The following STRA8 variants were observed in gnomAD, a reference collection of about 807,000 sequenced individuals.
STRA8 encodes stimulated by retinoic acid 8.
STRA8 carries 18 observed loss-of-function variants against 37.1 expected under a neutral mutation model. The ratio of observed to expected loss-of-function variants is 0.48; its 90% CI spans 0.34 to 0.72. The LOEUF is 0.72. STRA8 is among the 30% of genes least tolerant of loss of function. The pLI, the probability that STRA8 is intolerant of heterozygous loss-of-function variation, is 0.01. For missense variants in STRA8, 357 were observed against 410.4 expected, an observed-to-expected ratio of 0.87 and a Z score of 1.13; for synonymous variants, 168 against 162.9, an observed-to-expected ratio of 1.03 and a Z score of -0.24.
intron 7 of STRA8, 61 bp downstream of exon 7, chr7:135,251,930 G>C: frequency 2.6e-6 from 4 of 1,513,410 alleles, no homozygotes; most frequent in Non-Finnish European, 2.8e-6. Context: ...GATTGTGTGT[G>C]CGCAGGTGTG....
intron 1 of STRA8, among the ~76,000 whole-genome samples, chr7:135,238,499 CAGATTCCCTACA>C (rs755055455): frequency 6.6e-5 from 10 of 152,210 alleles, no homozygotes; most frequent in Non-Finnish European, 1.5e-4. Flanking sequence ...GGGAGAACTC[CAGATTCCCTACA>C]AGCCCAGAGG....
chr7:135,243,474 C>T, intron 4 of STRA8, 64 bp downstream of exon 4: 1 of 1,480,486 alleles, frequency 6.8e-7, no homozygotes. Flanking sequence ...TCAGTACTGT[C>T]TGGTGGCAAC....
At chr7:135,238,731 G>A (rs1186840228) in intron 1 of STRA8, among the ~76,000 whole-genome samples, 2 of 152,178 alleles carry the variant, frequency 1.3e-5, no homozygotes, top group Admixed American at 6.5e-5. Context: ...ATATTCTTCT[G>A]TTCAAAAGGT....
At chr7:135,255,319 A>G (rs1310481749) in intron 8 of STRA8, 94 bp downstream of exon 8, 4 of 899,310 alleles carry the variant, frequency 4.4e-6, no homozygotes, top group East Asian at 2.5e-5. Context: ...ACTCACCCCA[A>G]TCATACCATG....
intron 2 of STRA8, among the ~76,000 whole-genome samples, chr7:135,241,185 C>G (rs1832459550): frequency 6.6e-6 from 1 of 152,164 alleles, no homozygotes; most frequent in African/African-American, 2.4e-5. Context: ...TACGAACAAG[C>G]CCAAGATGCT....
At chr7:135,244,926 C>G (rs1832522620) in intron 4 of STRA8, among the ~76,000 whole-genome samples, 1 of 152,194 alleles carries the variant, frequency 6.6e-6, no homozygotes, top group African/African-American at 2.4e-5. Flanking sequence ...TGCCATTAAG[C>G]ACGATGTTAG....
chr7:135,236,670 G>T (rs771849027), intron 1 of STRA8, among the ~76,000 whole-genome samples: 1 of 152,038 alleles, frequency 6.6e-6, no homozygotes, highest in Non-Finnish European at 1.5e-5. Flanking sequence ...ATTTTTGAAG[G>T]CTTCTCAATG....
intron 3 of STRA8, 44 bp from the exon 4 acceptor site, chr7:135,243,282 C>T: frequency 6.2e-7 from 1 of 1,606,048 alleles, no homozygotes; most frequent in Non-Finnish European, 8.5e-7. Context: ...TCAACAGAGG[C>T]CTGACTTTTC....
rs1486533199 is a variant in STRA8, at chr7:135,246,198, G to A, written c.594-219G>A. On this transcript the variant is annotated intron_variant, in intron 5 of 8. Coordinates refer to ENST00000662584, the MANE Select transcript of STRA8 (RefSeq NM_001394401.1). The surrounding 1 kb of genome is among the most constrained non-coding windows in gnomAD (Gnocchi z 5.4). Reference sequence around the variant, plus strand: ...CATGGGGCAGGGACTGGGAGAACTTGGGGAGGGGCCCCAAAGCCCAAGTCT... The same window carrying A: ...CATGGGGCAGGGACTGGGAGAACTTAGGGAGGGGCCCCAAAGCCCAAGTCT... 12 of 608,780 alleles carry A rather than the reference G, an allele frequency of 2.0e-5. No homozygotes were observed. Among genetic ancestry groups the A allele is most frequent in the Non-Finnish European group, 3.2e-5 (11 of 347,556 alleles). The allele number at this position is 608,780 out of a possible 1,614,324, so 37.7% of individuals were successfully genotyped here. A position where few individuals can be genotyped will look rare whatever the true frequency, so the allele number is the denominator to read the frequency against.
In STRA8 at chr7:135,258,537, G is replaced by T. The variant is rs764093327; in HGVS notation, c.*45G>T. Reference sequence around the variant, plus strand: ...GGGGAGGGACTGAATGAGGTGGGCAGTTCCCAAGGTTGAATGCTGGCAGCT... The same window carrying T: ...GGGGAGGGACTGAATGAGGTGGGCATTTCCCAAGGTTGAATGCTGGCAGCT... On this transcript the variant is annotated 3_prime_UTR_variant, in exon 9 of 9. Transcript: ENST00000662584. 3.0e-5 allele frequency: 45 copies of T among 1,518,862 alleles called. No individual in the cohort carries two copies. The highest frequency in any genetic ancestry group is 1.7e-4 in the Middle Eastern group (1 of 5,932). The allele number at this position is 1,518,862 out of a possible 1,614,324, so 94.1% of individuals were successfully genotyped here.
intron 7 of STRA8, among the ~76,000 whole-genome samples, 185 bp downstream of exon 7, chr7:135,252,054 G>C (rs561477887): frequency 4.0e-5 from 6 of 149,160 alleles, no homozygotes; most frequent in African/African-American, 1.2e-4. Context: ...GTGCACCCCT[G>C]CTGGGGTGTT....
chr7:135,250,845 T>C (rs1433976574), intron 6 of STRA8, among the ~76,000 whole-genome samples: 3 of 152,276 alleles, frequency 2.0e-5, no homozygotes, highest in Non-Finnish European at 2.9e-5. Context: ...CCCGTATTTG[T>C]ATTTGCTAAA....
At chr7:135,252,013 A>AGTGTGTGTGT (rs59621186) in intron 7 of STRA8, 144 bp downstream of exon 7, 18,741 of 502,952 alleles carry the variant, frequency 0.037, 264 homozygotes, top group Non-Finnish European at 0.042. Flanking sequence ...AGAGAGAGAG[A>AGTGTGTGTGT]GTGTGTGTGT....
upstream of STRA8, chr7:135,231,932 A>C: frequency 6.3e-7 from 1 of 1,575,158 alleles, no homozygotes; most frequent in South Asian, 1.1e-5. Context: ...GTGAGAGGCC[A>C]CCAGGAGGCC....
chr7:135,249,079 G>A (rs141039967), intron 6 of STRA8, among the ~76,000 whole-genome samples: 85 of 152,242 alleles, frequency 5.6e-4, no homozygotes, highest in African/African-American at 1.7e-3. Flanking sequence ...TGAAGAAAAC[G>A]AAAGGAAAAT....
chr7:135,242,698 C>A, intron 2 of STRA8, 83 bp from the exon 3 acceptor site: 1 of 1,351,368 alleles, frequency 7.4e-7, no homozygotes, highest in Non-Finnish European at 1.1e-6. Flanking sequence ...GTGGCCTCAG[C>A]CCTGGGAAGG....
rs1408887200 is a variant in STRA8 at position 135,246,588 on chromosome 7, C to T, written c.765C>T (p.Gly255=). 6.5e-7 allele frequency: 1 copy of T among 1,541,438 alleles called. No homozygotes were observed. Among genetic ancestry groups the T allele is most frequent in the Non-Finnish European group, 8.7e-7 (1 of 1,146,462 alleles). ...LRQAWAQKHR[G]PATLAEACRE... ...AGGCCTGGGCGCAGAAGCACCGCGG[C>T]CCTGCGACCCTGGCGGAGGCCTGCC... The change falls in exon 6 of 9, where the codon GGC becomes GGT. Residue 255 remains glycine (G), a synonymous_variant. Coordinates refer to ENST00000662584, the MANE Select transcript of STRA8 (RefSeq NM_001394401.1). The surrounding 1 kb of genome is among the most constrained non-coding windows in gnomAD (Gnocchi z 5.4).
intron 1 of STRA8, among the ~76,000 whole-genome samples, chr7:135,239,824 TTC>T (rs141354356): frequency 0.014 from 2,182 of 152,306 alleles, 49 homozygotes; most frequent in African/African-American, 0.05. Context: ...TGGGTTTCAG[TTC>T]TCTGTCGTCA....
Position 135,258,637 on chromosome 7 carries a change from CT to C in STRA8, c.*146del, listed in dbSNP as rs1832737161. 1.5e-6 allele frequency: 1 copy of C among 650,450 alleles called. No homozygotes were observed. The highest frequency in any genetic ancestry group is 2.7e-6 in the Non-Finnish European group (1 of 376,406). 40.3% of individuals were successfully genotyped at this position (650,450 alleles called of 1,614,324 possible). A position where few individuals can be genotyped will look rare whatever the true frequency, so the allele number is the denominator to read the frequency against. ...AGAAGCATTTTGATGATTTTAGTTT[CT>C]GATTATTATAAAGTATAAGAGAAGC... On this transcript the variant is annotated 3_prime_UTR_variant, in exon 9 of 9. Transcript: ENST00000662584.
Sources: allele counts gnomAD v4.1 joint callset (sites outside exome capture counted in the v4.1 genomes callset), GRCh38; gene constraint gnomAD v4.1.1; non-coding constraint Gnocchi (gnomAD v3.1); transcripts MANE v1.5; gene names NCBI Gene and HGNC (gene_info 2026-07-23, HGNC 2026-07-21).